The following PCNX1 variants were observed in gnomAD, a reference collection of about 807,000 sequenced individuals.
PCNX1 encodes the protein pecanex-like protein 1.
In PCNX1, 78 loss-of-function variants were observed where a neutral mutation model predicts 242.2. That is an observed-to-expected ratio of 0.32 (90% CI 0.27 to 0.39). PCNX1 has a LOEUF of 0.39. Ranked by LOEUF, PCNX1 falls within the 10% of genes least tolerant of loss-of-function variation. PCNX1 has a pLI of 1.00. For synonymous variants in PCNX1, 1,024 were observed against 1,032.9 expected (o/e 0.99, Z 0.17); for missense variants, 2,581 against 2,856.5 (o/e 0.90, Z 2.20).
chr14:70,955,753 C>G (rs964773012), intron 2 of PCNX1, among the ~76,000 whole-genome samples: 15 of 152,180 alleles, frequency 9.9e-5, no homozygotes, highest in African/African-American at 3.6e-4. Flanking sequence ...AAAACTCTTA[C>G]TCAGCTATTT....
Position 71,019,057 on chromosome 14 carries a change from C to T in PCNX1, c.3045C>T (p.Leu1015=), listed in dbSNP as rs772670013. 9 of 1,613,142 alleles carry T rather than the reference C, an allele frequency of 5.6e-6. No homozygotes were observed. The highest frequency in any genetic ancestry group is 5.0e-5 in the Admixed American group (3 of 59,904). ...ENVLAVILAI[L]VAFLGSILLI... is the part of the protein sequence containing the mutation. The stretch of plus-strand genomic sequence containing the variant: ...TGTTAGCTGTCATCCTGGCTATTCT[C>T]GTGGCCTTTTTGGGATCTATTCTTC... Residue 1015 remains leucine, a synonymous_variant, in exon 12 of 36, where the codon CTC becomes CTT. Coordinates refer to ENST00000304743, the MANE Select transcript of PCNX1 (RefSeq NM_014982.3).
At chr14:71,095,813 A>G (rs955725889) in intron 30 of PCNX1, among the ~76,000 whole-genome samples, 2 of 152,248 alleles carry the variant, frequency 1.3e-5, no homozygotes, top group African/African-American at 4.8e-5. Context: ...AGAGATATTT[A>G]AACAAGATGA....
At position 71,047,855 on chromosome 14, in the gene PCNX1, C is replaced by T. The variant is rs761318535; in HGVS notation, c.4209C>T (p.Ser1403=). 1.2e-5 allele frequency: 19 copies of T among 1,612,482 alleles called. No homozygotes were observed. The highest frequency in any genetic ancestry group is 8.5e-7 in the Non-Finnish European group (1 of 1,179,038). Residue 1403 remains serine (S), a synonymous_variant, in exon 22 of 36, where the codon TCC becomes TCT. Coordinates refer to ENST00000304743, the MANE Select transcript of PCNX1 (RefSeq NM_014982.3). ...TTGCTGGTTTGAAGTTGCTACGATC[C>T]TCTTTTAGCAGCCCTACATATCAGT... ...ITVAGLKLLR[S]SFSSPTYQYV...
Position 71,026,797 on chromosome 14 carries a change from GT to G in PCNX1, c.3386del (p.Phe1129SerfsTer8). ...TGTTTACACTCTGTTTCCCAATAGT[GT>G]TTTTCATTGGTCTCCTGCCTCAGGT... ...IVFTLCFPIV[F>X]FIGLLPQVNT... On this transcript the variant is annotated frameshift_variant, in exon 15 of 36. Coordinates refer to ENST00000304743, the MANE Select transcript of PCNX1 (RefSeq NM_014982.3). LOFTEE classifies it high-confidence loss of function. 2.0e-6 allele frequency: 3 copies of G among 1,533,088 alleles called. No homozygotes were observed. The highest frequency in any genetic ancestry group is 2.7e-6 in the Non-Finnish European group (3 of 1,108,570). 95.0% of individuals were successfully genotyped at this position (1,533,088 alleles called of 1,614,324 possible).
chr14:70,999,723 A>G (rs2059448574), intron 8 of PCNX1, among the ~76,000 whole-genome samples: 1 of 152,198 alleles, frequency 6.6e-6, no homozygotes, highest in Non-Finnish European at 1.5e-5. Context: ...AAACCTGGCA[A>G]CATTGCTCTT....
In PCNX1 at chr14:71,013,033, G is replaced by A. The variant is rs2059866273; in HGVS notation, c.2827G>A (p.Asp943Asn). 1 of 1,614,088 alleles carries A rather than the reference G, an allele frequency of 6.2e-7. No homozygotes were observed. The highest frequency in any genetic ancestry group is 8.5e-7 in the Non-Finnish European group (1 of 1,179,980). ...RLNRLLTIDT[D>N]LLEQQDIDLS... ...GAATAGACTATTGACCATTGATACA[G>A]ATTTGTTGGAGCAACAGGACATTGA... is the stretch of plus-strand genomic sequence containing the variant. Residue 943 changes from aspartate (D) to asparagine (N), a missense_variant, in exon 11 of 36, where the codon GAT (aspartate) becomes AAT (asparagine). Physicochemically the swap from Asp to Asn is conservative, Grantham distance 23. Transcript: ENST00000304743.
intron 2 of PCNX1, among the ~76,000 whole-genome samples, chr14:70,957,116 C>T (rs549528680): frequency 2.3e-4 from 35 of 152,136 alleles, no homozygotes; most frequent in African/African-American, 6.3e-4. Context: ...TAACCTCAGC[C>T]TCTTGAGTTG....
intron 10 of PCNX1, chr14:71,012,768 GT>G: frequency 2.2e-6 from 1 of 464,938 alleles, no homozygotes; most frequent in Non-Finnish European, 3.8e-6. Flanking sequence ...GGAGGCAGAG[GT>G]TGCAGTGAGC....
chr14:70,972,568 G>T (rs989227423), intron 5 of PCNX1, among the ~76,000 whole-genome samples: 1 of 152,148 alleles, frequency 6.6e-6, no homozygotes, highest in Admixed American at 6.5e-5. Context: ...GCGCCACCTA[G>T]TGGCAAATGT....
chr14:70,988,429 C>T, intron 6 of PCNX1, 138 bp from the exon 7 acceptor site: 1 of 659,812 alleles, frequency 1.5e-6, no homozygotes, highest in Non-Finnish European at 2.5e-6. Context: ...GATAGATTGA[C>T]AGTATACATG....
At chr14:71,067,048 A>G (rs940492581) in intron 26 of PCNX1, among the ~76,000 whole-genome samples, 3 of 151,812 alleles carry the variant, frequency 2.0e-5, no homozygotes, top group Non-Finnish European at 4.4e-5. Context: ...GATGTTCATC[A>G]GGTATATTGG....
intron 29 of PCNX1, 63 bp downstream of exon 29, chr14:71,088,493 A>G: frequency 1.1e-6 from 1 of 914,594 alleles, no homozygotes; most frequent in Non-Finnish European, 1.8e-6. Context: ...TAAATCTAAA[A>G]TGATTTTTCA....
chr14:70,988,802 TC>T, intron 7 of PCNX1, 103 bp downstream of exon 7: 1 of 1,381,094 alleles, frequency 7.2e-7, no homozygotes, highest in Non-Finnish European at 9.9e-7. Flanking sequence ...GTTTTTCTTT[TC>T]CTTTCTGTTT....
intron 8 of PCNX1, among the ~76,000 whole-genome samples, chr14:70,997,658 A>G (rs1241584058): frequency 2.0e-5 from 3 of 152,132 alleles, no homozygotes; most frequent in Non-Finnish European, 4.4e-5. Flanking sequence ...GTCTCGCTCT[A>G]TCGTATTTGA....
intron 6 of PCNX1, among the ~76,000 whole-genome samples, chr14:70,981,892 G>T (rs2058850625): frequency 6.6e-6 from 1 of 152,044 alleles, no homozygotes; most frequent in Non-Finnish European, 1.5e-5. Flanking sequence ...CGAGTGGAGA[G>T]GTTTGTGTTT....
intron 28 of PCNX1, among the ~76,000 whole-genome samples, chr14:71,079,478 C>A (rs1595455627): frequency 6.6e-6 from 1 of 152,308 alleles, no homozygotes; most frequent in South Asian, 2.1e-4. Context: ...AAAAGCATTC[C>A]TATTTCTTCA....
intron 19 of PCNX1, among the ~76,000 whole-genome samples, chr14:71,038,463 C>G (rs1265210708): frequency 6.6e-6 from 1 of 151,032 alleles, no homozygotes; most frequent in Non-Finnish European, 1.5e-5. Flanking sequence ...AGCCAAAAAA[C>G]ACATGAAAAA....
intron 26 of PCNX1, among the ~76,000 whole-genome samples, chr14:71,065,139 T>A (rs188013967): frequency 4.4e-4 from 67 of 152,368 alleles, no homozygotes; most frequent in African/African-American, 1.5e-3. Flanking sequence ...TACCCATTAA[T>A]GGGATTGCTG....
chr14:71,055,089 C>T (rs1208362419), intron 24 of PCNX1, among the ~76,000 whole-genome samples: 2 of 152,216 alleles, frequency 1.3e-5, no homozygotes, highest in Non-Finnish European at 2.9e-5. Context: ...CTGTGGACCA[C>T]ATTTTGGGAA....
Sources: gnomAD v4.1 joint callset for allele counts (sites outside exome capture counted in the v4.1 genomes callset) on GRCh38, gnomAD v4.1.1 for gene constraint, MANE v1.5 for transcripts, NCBI Gene and HGNC (gene_info 2026-07-23, HGNC 2026-07-21) for gene names.